UQCRC1: variants seen among roughly 807,000 people sequenced by gnomAD.
UQCRC1 encodes the protein ubiquinol-cytochrome c reductase core protein 1.
A neutral mutation model predicts 58.0 loss-of-function variants in UQCRC1; 34 were observed. The observed-to-expected ratio is 0.59, with a 90% CI of 0.45 to 0.78. The LOEUF (loss-of-function observed/expected upper bound fraction) is 0.78. UQCRC1 is among the 30% of genes least tolerant of loss of function. The pLI is 0.00. For missense variants in UQCRC1, 610 were observed against 646.0 expected (o/e 0.94, Z 0.60); for synonymous variants, 276 against 248.8 (o/e 1.11, Z -1.03).
intron 2 of UQCRC1, among the ~76,000 whole-genome samples, chr3:48,606,476 C>T (rs1214259195): frequency 2.6e-5 from 4 of 152,142 alleles, no homozygotes; most frequent in African/African-American, 7.2e-5. Context: ...AGGCTGGGCG[C>T]GGTGGCTTAT....
Position 48,604,086 on chromosome 3 carries a change from T to C in UQCRC1, c.626+147A>G, listed in dbSNP as rs1363244576. ...CACAAAGCCATTAAAAAAGACTCACTGGACCACATGGATACAGAAACTGTC... is the reference window on the plus strand; with the variant it reads ...CACAAAGCCATTAAAAAAGACTCACCGGACCACATGGATACAGAAACTGTC... On this transcript the variant is annotated intron_variant, in intron 5 of 12. Transcript: ENST00000203407. 4.7e-6 allele frequency: 4 copies of C among 854,602 alleles called. No homozygotes were observed. The African/African-American group carries it at 6.8e-5, about 14-fold the overall frequency. The allele number at this position is 854,602 out of a possible 1,614,324, so 52.9% of individuals were successfully genotyped here.
intron 2 of UQCRC1, among the ~76,000 whole-genome samples, chr3:48,607,288 G>A (rs1181568828): frequency 6.6e-6 from 1 of 152,214 alleles, no homozygotes; most frequent in East Asian, 1.9e-4. Flanking sequence ...TGATTCGCCC[G>A]CCTCGGCCTC....
intron 6 of UQCRC1, 95 bp from the exon 7 acceptor site, chr3:48,601,562 T>C: frequency 9.0e-7 from 1 of 1,115,688 alleles, no homozygotes; most frequent in South Asian, 1.3e-5. Flanking sequence ...ATGTCCTGTC[T>C]TAGTGGGAGA....
chr3:48,608,071 C>T (rs1163018907), intron 2 of UQCRC1, among the ~76,000 whole-genome samples: 1 of 152,214 alleles, frequency 6.6e-6, no homozygotes. Context: ...ATCCGCCTGC[C>T]TTGGTCTCCC....
rs151195008 is a variant in UQCRC1 at position 48,601,058 on chromosome 3, C to G, written c.883G>C (p.Gly295Arg). The stretch of plus-strand genomic sequence containing the variant: ...GCCACATTGTCCGGGCTGGCCCAGC[C>G]AGGACCCTCTACTGCAATGGCCACG... ...AHVAIAVEGP[G>R]WASPDNVALQ... The change falls in exon 8 of 13, where the codon GGC becomes CGC. Residue 295 changes from glycine to arginine, a missense_variant. Coordinates refer to ENST00000203407, the MANE Select transcript of UQCRC1 (RefSeq NM_003365.3). 6.2e-7 allele frequency: 1 copy of G among 1,610,814 alleles called. No homozygotes were observed. Among genetic ancestry groups the G allele is most frequent in the Non-Finnish European group, 8.5e-7 (1 of 1,177,300 alleles).
chr3:48,601,423 C>G lies in UQCRC1; in HGVS notation c.751G>C (p.Gly251Arg), dbSNP rs1318171772. The G allele has an allele frequency of 2.5e-6, 4 of 1,614,164 alleles. No homozygotes were observed. The highest frequency in any genetic ancestry group is 3.4e-6 in the Non-Finnish European group (4 of 1,180,042). The change falls in exon 7 of 13, where the codon GGT (glycine) becomes CGT (arginine). Residue 251 changes from glycine (G) to arginine (R), a missense_variant. Transcript: ENST00000203407. ...TCTGCATATGTCCATGGGATGCCAC[C>G]GAGGTGCTTCTGGGCGAGGTCTAAC... The part of the protein sequence containing the change: ...QLLDLAQKHL[G>R]GIPWTYAEDA...
rs372145473 is a variant in UQCRC1, at chr3:48,609,601, C to T, written c.20G>A (p.Cys7Tyr). The change falls in exon 1 of 13, where the codon TGT becomes TAT. Residue 7 changes from cysteine to tyrosine, a missense_variant. Cys to Tyr is a radical substitution (Grantham distance 194). Transcript: ENST00000203407. ...TTGTGCCCCGGCGGTAGCGGCCCGACAGACCACGGACGCCGCCATCTTCCA... is the reference window on the plus strand; with the variant it reads ...TTGTGCCCCGGCGGTAGCGGCCCGATAGACCACGGACGCCGCCATCTTCCA... MAASVV[C>Y]RAATAGAQVL... 11 of 1,570,486 alleles carry T rather than the reference C, an allele frequency of 7.0e-6. No individual in the cohort carries two copies. The African/African-American group carries it at 1.5e-4, about 21-fold the overall frequency.
chr3:48,600,741 C>T lies in UQCRC1; in HGVS notation c.1066G>A (p.Ala356Thr), dbSNP rs2046356633. ...TTCATTCGGTCACAGACAAAGTGTG[C>T]ACCCAGCAAGCCCGTCTCTGCATAG... ...ICYAETGLLG[A>T]HFVCDRMKID... The change falls in exon 9 of 13, where the codon GCA (alanine) becomes ACA (threonine). Residue 356 changes from alanine (A) to threonine (T), a missense_variant. Coordinates refer to ENST00000203407, the MANE Select transcript of UQCRC1 (RefSeq NM_003365.3). 3 of 1,614,056 alleles carry T rather than the reference C, an allele frequency of 1.9e-6. No individual in the cohort carries two copies. Among genetic ancestry groups the T allele is most frequent in the Non-Finnish European group, 1.7e-6 (2 of 1,180,054 alleles).
chr3:48,599,021 T>G lies in UQCRC1; in HGVS notation c.*107A>C. ...ACACACTTCTCAGCAGAGGATTTTATTGGTGGTCACCTGTGGCACAGGTTA... is the reference window on the plus strand; with the variant it reads ...ACACACTTCTCAGCAGAGGATTTTAGTGGTGGTCACCTGTGGCACAGGTTA... On this transcript the variant is annotated 3_prime_UTR_variant, in exon 13 of 13. Transcript: ENST00000203407. 2 of 1,300,162 alleles carry G rather than the reference T, an allele frequency of 1.5e-6. No homozygotes were observed. Among genetic ancestry groups the G allele is most frequent in the Non-Finnish European group, 2.2e-6 (2 of 924,156 alleles). The allele number at this position is 1,300,162 out of a possible 1,614,324, so 80.5% of individuals were successfully genotyped here. A position where few individuals can be genotyped will look rare whatever the true frequency, so the allele number is the denominator to read the frequency against.
rs113264480 is a variant in UQCRC1, at chr3:48,601,961, T to C, written c.707-494A>G. Among the ~76,000 whole-genome samples, 16 of 152,110 alleles carry C rather than the reference T, an allele frequency of 1.1e-4. 2 individuals are homozygous for C. The highest frequency in any genetic ancestry group is 3.4e-4 in the African/African-American group (14 of 41,470). ...CCTGAGAGCTGGGGACATTTGCAAA[T>C]AATGTTACAAACGTATACCCTAGGA... is the stretch of plus-strand genomic sequence containing the variant. On this transcript the variant is annotated intron_variant, in intron 6 of 12. Coordinates refer to ENST00000203407, the MANE Select transcript of UQCRC1 (RefSeq NM_003365.3).
intron 2 of UQCRC1, 31 bp downstream of exon 2, chr3:48,609,130 AG>A (rs1559458320): frequency 6.3e-7 from 1 of 1,582,580 alleles, no homozygotes; most frequent in East Asian, 2.3e-5. Flanking sequence ...CCCAACCTGG[AG>A]GCCCTCTCCC....
rs2046441406 is a variant in UQCRC1, at chr3:48,609,271, C to T, written c.101G>A (p.Ser34Asn). ...GAGCGCCTGAGCGAAGGTTGCCGTA[C>T]TCCGCAAGGCTGGCGTCCGCAGCAG... is the stretch of plus-strand genomic sequence containing the variant. ...PALLRTPALR[S>N]TATFAQALQF... The change falls in exon 2 of 13, where the codon AGT (serine) becomes AAT (asparagine). Residue 34 changes from serine (S) to asparagine (N), a missense_variant. By Grantham distance (46) the Ser-to-Asn change is conservative. Transcript: ENST00000203407. The T allele has an allele frequency of 6.2e-7, 1 of 1,610,798 alleles. No individual in the cohort carries two copies.
Position 48,601,576 on chromosome 3 carries a change from C to G in UQCRC1, c.707-109G>C, listed in dbSNP as rs1023911531. ...CATGTCCTGTCTTAGTGGGAGAAACCAGGAGTATGTGACATTAGAACAGGG... is the reference window on the plus strand; with the variant it reads ...CATGTCCTGTCTTAGTGGGAGAAACGAGGAGTATGTGACATTAGAACAGGG... On this transcript the variant is annotated intron_variant, in intron 6 of 12. Coordinates refer to ENST00000203407, the MANE Select transcript of UQCRC1 (RefSeq NM_003365.3). 2.1e-5 allele frequency: 20 copies of G among 959,540 alleles called. No homozygotes were observed. The African/African-American group carries it at 2.6e-4, about 12-fold the overall frequency. The allele number at this position is 959,540 out of a possible 1,614,324, so 59.4% of individuals were successfully genotyped here.
chr3:48,605,868 G>A lies in UQCRC1; in HGVS notation c.211-12C>T. On this transcript the variant is annotated splice_polypyrimidine_tract_variant and intron_variant, in intron 2 of 12. Transcript: ENST00000203407. The stretch of plus-strand genomic sequence containing the variant: ...ATCCACACTCCCACCTGGTCAAGAA[G>A]CCACCAGAAAAGGTTACAAACAAAC... The A allele has an allele frequency of 6.2e-7, 1 of 1,613,228 alleles. No individual in the cohort carries two copies. Among genetic ancestry groups the A allele is most frequent in the Non-Finnish European group, 8.5e-7 (1 of 1,179,646 alleles).
rs779721932 is a variant in UQCRC1, at chr3:48,609,219, G to A, written c.153C>T (p.Ser51=). The change falls in exon 2 of 13, where the codon AGC becomes AGT. Residue 51 remains serine, a synonymous_variant. Transcript: ENST00000203407. ...ALQFVPETQV[S]LLDNGLRVAS... ...CCACACGCAGGCCGTTGTCCAGCAG[G>A]CTAACCTGCGTCTCCGGCACGAACT... 2.5e-6 allele frequency: 4 copies of A among 1,613,052 alleles called. No individual in the cohort carries two copies. In the South Asian group the frequency reaches 3.3e-5, roughly 13 times the overall value.
intron 11 of UQCRC1, 105 bp downstream of exon 11, chr3:48,599,958 G>T: frequency 7.1e-7 from 1 of 1,402,950 alleles, no homozygotes; most frequent in African/African-American, 1.4e-5. Flanking sequence ...TAGGACACCA[G>T]GGATGCCTAT....
intron 1 of UQCRC1, 87 bp from the exon 2 acceptor site, chr3:48,609,389 C>T: frequency 2.6e-6 from 4 of 1,533,402 alleles, no homozygotes; most frequent in Admixed American, 1.9e-5. Flanking sequence ...CCGAACCCCG[C>T]CCCTAGGCAA....
In UQCRC1 at chr3:48,605,795, T is replaced by C. The variant is rs2107846946; in HGVS notation, c.272A>G (p.Tyr91Cys). Reference protein sequence around the residue: ...FETEKNNGAGYFLEHLAFKGT... With the variant: ...FETEKNNGAGCFLEHLAFKGT... ...CTTGAAAGCCAGATGCTCCAAAAAG[T>C]AGCCTGCCCCATTATTCTTCTCAGT... The change falls in exon 3 of 13, where the codon TAC becomes TGC. Residue 91 changes from tyrosine to cysteine, a missense_variant. Transcript: ENST00000203407. The C allele has an allele frequency of 1.2e-6, 2 of 1,613,882 alleles. No individual in the cohort carries two copies. The highest frequency in any genetic ancestry group is 1.1e-5 in the South Asian group (1 of 91,030).
intron 2 of UQCRC1, among the ~76,000 whole-genome samples, chr3:48,607,205 C>G (rs1336259043): frequency 1.3e-5 from 2 of 152,188 alleles, no homozygotes; most frequent in Non-Finnish European, 2.9e-5. Context: ...CCACGCCCGG[C>G]TAATTTTTTG....
Sources: gnomAD v4.1 joint callset for allele counts (sites outside exome capture counted in the v4.1 genomes callset) on GRCh38, gnomAD v4.1.1 for gene constraint, MANE v1.5 for transcripts, NCBI Gene and HGNC (gene_info 2026-07-23, HGNC 2026-07-21) for gene names.